TRHDE: variants seen among roughly 807,000 people sequenced by gnomAD.
The protein encoded by TRHDE is thyrotropin-releasing hormone-degrading ectoenzyme.
In TRHDE, 72 loss-of-function variants were observed where a neutral mutation model predicts 125.7. The ratio of observed to expected loss-of-function variants is 0.57; its 90% CI spans 0.47 to 0.70. The LOEUF is 0.70. TRHDE is among the 30% of genes least tolerant of loss of function. TRHDE has a pLI of 0.00. For synonymous variants in TRHDE, 509 were observed against 509.1 expected, an observed-to-expected ratio of 1.00 and a Z score of 0.00; for missense variants, 1,110 against 1,327.1, an observed-to-expected ratio of 0.84 and a Z score of 2.54.
chr12:72,203,748 A>C (rs1348111951), intron 2 of TRHDE, among the ~76,000 whole-genome samples: 1 of 152,162 alleles, frequency 6.6e-6, no homozygotes, highest in Non-Finnish European at 1.5e-5. Flanking sequence ...ACTAGTGGAC[A>C]AATTTTTTCT....
intron 2 of TRHDE, among the ~76,000 whole-genome samples, chr12:72,144,341 C>T (rs1876181328): frequency 6.6e-6 from 1 of 152,224 alleles, no homozygotes; most frequent in African/African-American, 2.4e-5. Context: ...TGGTGTCCCA[C>T]CCAGCTATTA....
intron 3 of TRHDE, among the ~76,000 whole-genome samples, chr12:72,393,879 T>C (rs1255850923): frequency 6.6e-6 from 1 of 152,180 alleles, no homozygotes; most frequent in East Asian, 1.9e-4. Context: ...GTCTTATTTC[T>C]TTCAAAAATA....
chr12:72,511,227 C>T lies in TRHDE; in HGVS notation c.1722+11592C>T, dbSNP rs575895030. On this transcript the variant is annotated intron_variant, in intron 6 of 18. Coordinates refer to ENST00000261180, the MANE Select transcript of TRHDE (RefSeq NM_013381.3). ...AAATTCCTCCTGAATATTAACTTCACGTTACATAATAGTCAGATAATATAA... is the reference window on the plus strand; with the variant it reads ...AAATTCCTCCTGAATATTAACTTCATGTTACATAATAGTCAGATAATATAA... Among the ~76,000 whole-genome samples the T allele has an allele frequency of 2.3e-4, 35 of 152,104 alleles. No individual in the cohort carries two copies. The South Asian group carries it at 7.0e-3, about 31-fold the overall frequency.
chr12:72,543,549 G>A (rs982427377), intron 7 of TRHDE, among the ~76,000 whole-genome samples: 1 of 151,304 alleles, frequency 6.6e-6, no homozygotes, highest in Non-Finnish European at 1.5e-5. Context: ...CAGCTATCTG[G>A]AGGAATGTCC....
intron 1 of TRHDE, among the ~76,000 whole-genome samples, chr12:72,096,358 G>A (rs945247221): frequency 6.6e-6 from 1 of 152,058 alleles, no homozygotes; most frequent in Non-Finnish European, 1.5e-5. Flanking sequence ...TTTTATTTTG[G>A]TATTAATAAA....
intron 2 of TRHDE, among the ~76,000 whole-genome samples, chr12:72,142,808 G>A (rs546178815): frequency 3.5e-4 from 54 of 152,168 alleles, no homozygotes; most frequent in African/African-American, 1.3e-3. Flanking sequence ...GTAGGGGACA[G>A]TCAGGGAAGA....
chr12:72,605,929 T>C (rs1026318338), intron 12 of TRHDE, among the ~76,000 whole-genome samples: 2 of 152,198 alleles, frequency 1.3e-5, no homozygotes, highest in African/African-American at 4.8e-5. Flanking sequence ...AAAGCCTTTT[T>C]TCCTTGGATA....
At chr12:72,088,650 T>G (rs868367353) in intron 1 of TRHDE, among the ~76,000 whole-genome samples, 1 of 152,194 alleles carries the variant, frequency 6.6e-6, no homozygotes, top group Admixed American at 6.5e-5. Flanking sequence ...TGGCTACTTA[T>G]AGGGATTAAA....
intron 2 of TRHDE, among the ~76,000 whole-genome samples, chr12:72,369,398 A>G (rs950661056): frequency 1.3e-5 from 2 of 152,194 alleles, no homozygotes; most frequent in Non-Finnish European, 2.9e-5. Context: ...AGAAGAATAC[A>G]CAGGAGTAAA....
chr12:72,599,945 C>A (rs1872140450), intron 12 of TRHDE, among the ~76,000 whole-genome samples: 1 of 152,012 alleles, frequency 6.6e-6, no homozygotes. Flanking sequence ...GCTTTAGTTT[C>A]ATTCTTCTAG....
chr12:72,575,045 CAATT>C (rs925329222), intron 10 of TRHDE, among the ~76,000 whole-genome samples: 18 of 152,062 alleles, frequency 1.2e-4, no homozygotes, highest in African/African-American at 1.7e-4. Context: ...TATAAGAAAA[CAATT>C]AATTGAGATG....
At chr12:72,482,564 T>A (rs537262278) in intron 5 of TRHDE, among the ~76,000 whole-genome samples, 1 of 151,976 alleles carries the variant, frequency 6.6e-6, no homozygotes, top group Non-Finnish European at 1.5e-5. Context: ...AGGTAAGTTA[T>A]GCTTTTAAGT....
intron 2 of TRHDE, among the ~76,000 whole-genome samples, chr12:72,318,470 T>C (rs938065594): frequency 1.3e-5 from 2 of 152,170 alleles, no homozygotes; most frequent in African/African-American, 4.8e-5. Context: ...TTAGATACGA[T>C]TATGAATTGG....
At chr12:72,456,143 ACACAC>A (rs1875837857) in intron 3 of TRHDE, among the ~76,000 whole-genome samples, 1 of 128,990 alleles carries the variant, frequency 7.8e-6, no homozygotes, top group Non-Finnish European at 1.5e-5. Context: ...ACACACACAC[ACACAC>A]ACACACACAC....
intron 6 of TRHDE, among the ~76,000 whole-genome samples, chr12:72,518,834 A>G (rs918410954): frequency 1.3e-5 from 2 of 152,134 alleles, no homozygotes; most frequent in African/African-American, 4.8e-5. Flanking sequence ...CTTTTAGGGC[A>G]GGCCTGGTGG....
rs371331649 is a variant in TRHDE at position 72,621,664 on chromosome 12, T to C, written c.2588T>C (p.Ile863Thr). Reference sequence around the variant, plus strand: ...TCTAGAGAACTACGTAGAGAAGTTATAATGCTGGCCTGCAGTTTTGGCAAC... The same window carrying C: ...TCTAGAGAACTACGTAGAGAAGTTACAATGCTGGCCTGCAGTTTTGGCAAC... ...YQHEELRREV[I>T]MLACSFGNKH... is the part of the protein sequence containing the mutation. Residue 863 changes from isoleucine (I) to threonine (T), a missense_variant, in exon 15 of 19, where the codon ATA (isoleucine) becomes ACA (threonine). This residue lies in a region of TRHDE where 527 missense variants were observed against 651.8 expected (regional missense o/e 0.81). Transcript: ENST00000261180. 13 of 1,607,764 alleles carry C rather than the reference T, an allele frequency of 8.1e-6. No individual in the cohort carries two copies. Among genetic ancestry groups the C allele is most frequent in the Non-Finnish European group, 1.1e-5 (13 of 1,178,006 alleles).
chr12:72,159,135 C>T (rs891767328), intron 2 of TRHDE, among the ~76,000 whole-genome samples: 2 of 152,016 alleles, frequency 1.3e-5, no homozygotes, highest in Non-Finnish European at 2.9e-5. Flanking sequence ...GTAACATGTA[C>T]CAATCACTAG....
intron 2 of TRHDE, among the ~76,000 whole-genome samples, chr12:72,213,787 A>AT (rs1333764222): frequency 1.3e-5 from 2 of 152,158 alleles, no homozygotes; most frequent in African/African-American, 4.8e-5. Context: ...AAAGGATTAC[A>AT]TATCAGTTGA....
chr12:72,089,968 A>G (rs1020874110), intron 1 of TRHDE, among the ~76,000 whole-genome samples: 4 of 152,174 alleles, frequency 2.6e-5, no homozygotes, highest in Non-Finnish European at 5.9e-5. Flanking sequence ...TATATGCTGG[A>G]TATTATGCTA....
Sources: gnomAD v4.1 joint callset for allele counts (sites outside exome capture counted in the v4.1 genomes callset) on GRCh38, gnomAD v4.1.1 for gene constraint, gnomAD v4.1.1 regional missense constraint, MANE v1.5 for transcripts, NCBI Gene and HGNC (gene_info 2026-07-23, HGNC 2026-07-21) for gene names.